Variants in CTIF observed in about 807,000 individuals in gnomAD.
CTIF encodes CBP80/20-dependent translation initiation factor.
A neutral mutation model predicts 66.0 loss-of-function variants in CTIF; 21 were observed. The ratio of observed to expected loss-of-function variants is 0.32; its 90% CI spans 0.23 to 0.46. CTIF has a LOEUF of 0.46. Ranked by LOEUF, CTIF falls within the 20% of genes least tolerant of loss-of-function variation. CTIF has a pLI of 1.00. For missense variants in CTIF, 739 were observed against 812.7 expected, an observed-to-expected ratio of 0.91 and a Z score of 1.10; for synonymous variants, 345 against 326.4, an observed-to-expected ratio of 1.06 and a Z score of -0.62.
chr18:48,711,904 T>C (rs1281289548), intron 7 of CTIF, among the ~76,000 whole-genome samples: 1 of 152,092 alleles, frequency 6.6e-6, no homozygotes, highest in African/African-American at 2.4e-5. Flanking sequence ...AGGGATTGGC[T>C]CCCTTCAGGC....
chr18:48,567,328 A>G (rs2089300919), intron 1 of CTIF: 1 of 152,236 alleles, frequency 6.6e-6, no homozygotes, highest in Non-Finnish European at 1.5e-5. Context: ...GATGTGGCAG[A>G]AGTCAGGGAA....
At position 48,807,671 on chromosome 18, in the gene CTIF, C is replaced by G. The variant is rs548168008; in HGVS notation, c.1372-9550C>G. 4.6e-5 allele frequency among the ~76,000 whole-genome samples: 7 copies of G among 151,612 alleles called. No individual in the cohort carries two copies. In the East Asian group the frequency reaches 1.4e-3, roughly 29 times the overall value. On this transcript the variant is annotated intron_variant, in intron 9 of 11. Transcript: ENST00000256413. ...TCTCGGCTCACTGCAACTTCCACCT[C>G]CAGGTGCAAGTGATTCTCCTACCTC...
chr18:48,851,093 G>A (rs964575322), intron 10 of CTIF, among the ~76,000 whole-genome samples: 4 of 152,242 alleles, frequency 2.6e-5, no homozygotes, highest in African/African-American at 9.6e-5. Context: ...TGGAAGGGGG[G>A]GCTCTAGGGT....
chr18:48,800,662 T>TCCTG (rs1568230429), intron 9 of CTIF, among the ~76,000 whole-genome samples: 6 of 152,100 alleles, frequency 3.9e-5, no homozygotes, highest in Non-Finnish European at 8.8e-5. Flanking sequence ...TCTGCGGAGG[T>TCCTG]GCTCCCCTGG....
intron 3 of CTIF, among the ~76,000 whole-genome samples, chr18:48,645,278 C>CAAA (rs74174711): frequency 0.046 from 3,185 of 69,186 alleles, 164 homozygotes; most frequent in Middle Eastern, 0.13. Flanking sequence ...TGGACACAGG[C>CAAA]AAAAAAAAAA....
intron 1 of CTIF, among the ~76,000 whole-genome samples, chr18:48,546,253 C>T (rs555149482): frequency 4.6e-5 from 7 of 152,274 alleles, no homozygotes; most frequent in African/African-American, 9.6e-5. Flanking sequence ...TTTAGGCAAA[C>T]GTCCAGTCTT....
chr18:48,833,489 G>GCCCTCCA (rs2068740403), intron 10 of CTIF, among the ~76,000 whole-genome samples: 1 of 151,932 alleles, frequency 6.6e-6, no homozygotes, highest in Admixed American at 6.6e-5. Context: ...TGCCCCCGCC[G>GCCCTCCA]CCCTCCACCT....
chr18:48,618,308 G>A (rs1285860754), intron 1 of CTIF, among the ~76,000 whole-genome samples: 3 of 152,204 alleles, frequency 2.0e-5, no homozygotes, highest in Non-Finnish European at 4.4e-5. Context: ...CAGCATTCAC[G>A]CTGCTCTATA....
rs545116229 is a variant in CTIF at position 48,730,744 on chromosome 18, C to T, written c.584+19049C>T. On this transcript the variant is annotated intron_variant, in intron 7 of 11. Coordinates refer to ENST00000256413, the MANE Select transcript of CTIF (RefSeq NM_014772.3). ...TGAGGGGCTTCCGTGGTGTGAGGAG[C>T]CCCCGCAGCTTGAGGGGCCCCCACG... Among the ~76,000 whole-genome samples, 6 of 145,754 alleles carry T rather than the reference C, an allele frequency of 4.1e-5. No individual in the cohort carries two copies. The East Asian group carries it at 1.1e-3, about 26-fold the overall frequency.
intron 1 of CTIF, among the ~76,000 whole-genome samples, chr18:48,604,993 T>C (rs963940434): frequency 6.6e-6 from 1 of 152,258 alleles, no homozygotes; most frequent in African/African-American, 2.4e-5. Context: ...TTCCATTGCA[T>C]GCATAGTTCA....
intron 6 of CTIF, among the ~76,000 whole-genome samples, chr18:48,700,011 C>T (rs2092061211): frequency 6.6e-6 from 1 of 152,236 alleles, no homozygotes; most frequent in Admixed American, 6.5e-5. Flanking sequence ...CTCTCGCCTT[C>T]ACTGTGGCCT....
chr18:48,839,659 A>G (rs796714767), intron 10 of CTIF, among the ~76,000 whole-genome samples: 9 of 152,372 alleles, frequency 5.9e-5, no homozygotes, highest in African/African-American at 2.2e-4. Context: ...CTCACTTTAC[A>G]GCCTTAGTTC....
chr18:48,636,780 A>T (rs1428042279), intron 3 of CTIF, 95 bp downstream of exon 3: 1 of 914,202 alleles, frequency 1.1e-6, no homozygotes, highest in Non-Finnish European at 1.5e-6. Flanking sequence ...AGGAGTGGTG[A>T]CATGGAGAGT....
intron 1 of CTIF, among the ~76,000 whole-genome samples, chr18:48,588,388 A>G (rs2089817183): frequency 6.6e-6 from 1 of 151,912 alleles, no homozygotes; most frequent in African/African-American, 2.4e-5. Flanking sequence ...CCTGCCTGGC[A>G]CCTGTGTGCT....
chr18:48,832,229 T>C (rs908075428), intron 10 of CTIF, among the ~76,000 whole-genome samples: 1 of 146,728 alleles, frequency 6.8e-6, no homozygotes, highest in African/African-American at 2.6e-5. Flanking sequence ...TGGAATGCAG[T>C]GGCACAATCA....
chr18:48,728,649 T>A (rs1168836765), intron 7 of CTIF, among the ~76,000 whole-genome samples: 1 of 152,012 alleles, frequency 6.6e-6, no homozygotes, highest in Non-Finnish European at 1.5e-5. Flanking sequence ...CACTGGCTGT[T>A]GGCTGGAGGC....
intron 1 of CTIF, among the ~76,000 whole-genome samples, chr18:48,598,263 A>G (rs147667494): frequency 2.9e-3 from 435 of 152,358 alleles, no homozygotes; most frequent in African/African-American, 8.8e-3. Context: ...TTTATAAGTC[A>G]CAAACGAACA....
intron 10 of CTIF, among the ~76,000 whole-genome samples, chr18:48,824,183 C>A (rs1002016686): frequency 1.8e-4 from 28 of 152,260 alleles, no homozygotes; most frequent in African/African-American, 5.5e-4. Context: ...AAGTAAAAAA[C>A]TTGTACACTG....
rs557762882 is a variant in CTIF, at chr18:48,708,574, G to A, written c.508-3045G>A. ...CACCTAGATGCCACATTGAGGCTGA[G>A]GCCCCAGGTGGCCTTATACATAGGA... is the stretch of plus-strand genomic sequence containing the variant. On this transcript the variant is annotated intron_variant, in intron 6 of 11. Transcript: ENST00000256413. 1.5e-4 allele frequency among the ~76,000 whole-genome samples: 23 copies of A among 152,318 alleles called. 1 individual carries two copies. Among genetic ancestry groups the A allele is most frequent in the African/African-American group, 5.3e-4 (22 of 41,574 alleles).
Sources: gnomAD v4.1 joint callset for allele counts (sites outside exome capture counted in the v4.1 genomes callset) on GRCh38, gnomAD v4.1.1 for gene constraint, MANE v1.5 for transcripts, NCBI Gene and HGNC (gene_info 2026-07-23, HGNC 2026-07-21) for gene names.